USP34: variants seen among roughly 807,000 people sequenced by gnomAD.
USP34 encodes the protein ubiquitin specific peptidase 34.
Under a neutral mutation model 460.3 loss-of-function variants are expected in USP34, and 70 were observed. The observed-to-expected ratio is 0.15, with a 90% CI of 0.13 to 0.19. USP34 has a LOEUF of 0.19. Ranked by LOEUF, USP34 falls within the 10% of genes least tolerant of loss-of-function variation. USP34 has a pLI of 1.00. For missense variants in USP34, 3,985 were observed against 4,236.2 expected, an observed-to-expected ratio of 0.94 and a Z score of 1.65; for synonymous variants, 1,647 against 1,405.3, an observed-to-expected ratio of 1.17 and a Z score of -3.85.
Position 61,274,752 on chromosome 2 carries a change from C to G in USP34, c.5433+3413G>C, listed in dbSNP as rs566699220. On this transcript the variant is annotated intron_variant, in intron 41 of 79. Transcript: ENST00000398571. ...GGAAATTAATCTCAGGTTGTAGGTA[C>G]AGCCATAAATTGGCTCAGCTTCCAC... Among the ~76,000 whole-genome samples, 5 of 152,338 alleles carry G rather than the reference C, an allele frequency of 3.3e-5. No homozygotes were observed. The South Asian group carries it at 1.0e-3, about 32-fold the overall frequency.
chr2:61,388,718 T>C (rs1693247082), intron 5 of USP34, among the ~76,000 whole-genome samples: 2 of 151,804 alleles, frequency 1.3e-5, no homozygotes, highest in African/African-American at 2.4e-5. Context: ...ATCACGCCAC[T>C]GCACTCCAGC....
At chr2:61,360,626 C>T (rs1692246261) in intron 10 of USP34, among the ~76,000 whole-genome samples, 2 of 152,182 alleles carry the variant, frequency 1.3e-5, no homozygotes, top group African/African-American at 4.8e-5. Context: ...CCAAAATCTA[C>T]AGAGTCAACG....
intron 2 of USP34, among the ~76,000 whole-genome samples, chr2:61,412,044 T>C (rs540744859): frequency 4.3e-4 from 65 of 151,432 alleles, no homozygotes; most frequent in African/African-American, 1.5e-3. Context: ...ACAAAATCAG[T>C]TGGGCCTGGT....
chr2:61,274,934 GA>G (rs1288953683), intron 41 of USP34, among the ~76,000 whole-genome samples: 2 of 152,136 alleles, frequency 1.3e-5, no homozygotes, highest in Non-Finnish European at 2.9e-5. Flanking sequence ...AATAGTTTAA[GA>G]CAATGTTGAT....
At chr2:61,405,104 G>A (rs952782055) in intron 3 of USP34, among the ~76,000 whole-genome samples, 1 of 151,400 alleles carries the variant, frequency 6.6e-6, no homozygotes, top group South Asian at 2.1e-4. Flanking sequence ...GTGGTGGCAG[G>A]CACCTGTAAT....
At chr2:61,326,224 G>C (rs771838300) in intron 20 of USP34, among the ~76,000 whole-genome samples, 3 of 151,986 alleles carry the variant, frequency 2.0e-5, no homozygotes, top group Non-Finnish European at 4.4e-5. Context: ...GGGGCTGGAA[G>C]GGGGGCAGAG....
At chr2:61,296,241 CAG>C (rs1388635412) in intron 30 of USP34, among the ~76,000 whole-genome samples, 1 of 150,512 alleles carries the variant, frequency 6.6e-6, no homozygotes, top group African/African-American at 2.4e-5. Context: ...GCCTGGGTAA[CAG>C]AGTTATACCT....
At chr2:61,421,034 G>T (rs573784157) in intron 1 of USP34, among the ~76,000 whole-genome samples, 2 of 151,880 alleles carry the variant, frequency 1.3e-5, no homozygotes, top group South Asian at 4.2e-4. Flanking sequence ...GGGTGGGGGG[G>T]GCAGTGAGAC....
intron 3 of USP34, among the ~76,000 whole-genome samples, chr2:61,401,229 T>C (rs1410181486): frequency 1.3e-5 from 2 of 151,924 alleles, no homozygotes; most frequent in Non-Finnish European, 2.9e-5. Flanking sequence ...TACGTATATT[T>C]AACATAAATG....
chr2:61,321,181 A>G (rs1052939915), intron 21 of USP34, among the ~76,000 whole-genome samples: 2 of 151,318 alleles, frequency 1.3e-5, no homozygotes, highest in Non-Finnish European at 3.0e-5. Flanking sequence ...AAAAAAAAAA[A>G]CAAAAAAATG....
intron 15 of USP34, chr2:61,346,269 A>T (rs1053379293): frequency 1.3e-5 from 2 of 151,924 alleles, no homozygotes; most frequent in Non-Finnish European, 2.9e-5. Context: ...CTGTAATCCC[A>T]GAGCTTTGGG....
rs1553355588 is a variant in USP34, at chr2:61,239,300, T to TCACTCACACA, written c.6777+2259_6777+2260insTGTGTGAGTG. 1.9e-3 allele frequency among the ~76,000 whole-genome samples: 258 copies of TCACTCACACA among 132,834 alleles called. 3 individuals are homozygous for TCACTCACACA. Among genetic ancestry groups the TCACTCACACA allele is most frequent in the East Asian group, 0.013 (56 of 4,328 alleles). The allele number at this position is 132,834 out of a possible 152,430, so 87.1% of individuals were successfully genotyped here. A position where few individuals can be genotyped will look rare whatever the true frequency, so the allele number is the denominator to read the frequency against. ...TTCCTCACTTTAAATGAGGGCCCTG[T>TCACTCACACA]CACACACACACACACACACACACAC... On this transcript the variant is annotated intron_variant, in intron 53 of 79. Coordinates refer to ENST00000398571, the MANE Select transcript of USP34 (RefSeq NM_014709.4).
intron 34 of USP34, among the ~76,000 whole-genome samples, chr2:61,287,923 C>G (rs1370409678): frequency 6.6e-6 from 1 of 152,204 alleles, no homozygotes; most frequent in Non-Finnish European, 1.5e-5. Context: ...TACACTTGTT[C>G]TATTATGCTA....
chr2:61,274,089 C>G (rs1389726959), intron 41 of USP34, among the ~76,000 whole-genome samples: 2 of 151,672 alleles, frequency 1.3e-5, no homozygotes, highest in African/African-American at 4.8e-5. Flanking sequence ...AAAAAAAATT[C>G]TGGCTTCGAA....
At chr2:61,209,899 A>G (rs1687225042) in intron 69 of USP34, among the ~76,000 whole-genome samples, 1 of 152,168 alleles carries the variant, frequency 6.6e-6, no homozygotes, top group Admixed American at 6.5e-5. Context: ...GGCCTAGCCT[A>G]ATTGTGTGTG....
At chr2:61,189,966 A>C (rs1686579984) in intron 78 of USP34, 1 of 240,504 alleles carries the variant, frequency 4.2e-6, no homozygotes, top group Admixed American at 5.4e-5. Context: ...AGCCATAGGC[A>C]GTAATAGAAA....
rs767763495 is a variant in USP34, at chr2:61,296,860, C to T, written c.4194G>A (p.Leu1398=). ...ENLSRRVWEL[L]MLLPTCPNML... Reference sequence around the variant, plus strand: ...TATTAGGACATGTAGGAAGAAGCATCAGTAGCTCCCAGACCCGCCTAGACA... The same window carrying T: ...TATTAGGACATGTAGGAAGAAGCATTAGTAGCTCCCAGACCCGCCTAGACA... The change falls in exon 30 of 80, where the codon CTG becomes CTA. Residue 1398 remains leucine, a synonymous_variant. Transcript: ENST00000398571. 7 of 1,613,846 alleles carry T rather than the reference C, an allele frequency of 4.3e-6. No homozygotes were observed. The highest frequency in any genetic ancestry group is 5.9e-6 in the Non-Finnish European group (7 of 1,179,922).
chr2:61,267,324 T>C (rs1689079526), intron 41 of USP34, among the ~76,000 whole-genome samples: 2 of 152,210 alleles, frequency 1.3e-5, no homozygotes, highest in Non-Finnish European at 2.9e-5. Context: ...ACAGAAATTT[T>C]TGAAATGTTT....
intron 10 of USP34, among the ~76,000 whole-genome samples, chr2:61,362,988 A>T (rs1692320264): frequency 6.6e-6 from 1 of 152,222 alleles, no homozygotes; most frequent in South Asian, 2.1e-4. Flanking sequence ...AACATCCAGA[A>T]TATTTTTTGT....
Sources: gnomAD v4.1 joint callset for allele counts (sites outside exome capture counted in the v4.1 genomes callset) on GRCh38, gnomAD v4.1.1 for gene constraint, MANE v1.5 for transcripts, NCBI Gene and HGNC (gene_info 2026-07-23, HGNC 2026-07-21) for gene names.